The following DPP10 variants were observed in gnomAD, a reference collection of about 807,000 sequenced individuals.
DPP10 encodes dipeptidyl peptidase like 10.
In DPP10, 33 loss-of-function variants were observed where a neutral mutation model predicts 120.9. The ratio of observed to expected loss-of-function variants is 0.27; its 90% CI spans 0.21 to 0.37. The LOEUF (loss-of-function observed/expected upper bound fraction) is 0.37. Among genes scored for constraint, DPP10 ranks in the 10% least tolerant of loss-of-function variants. The pLI, the probability that DPP10 is intolerant of heterozygous loss-of-function variation, is 1.00. For synonymous variants in DPP10, 337 were observed against 326.1 expected, an observed-to-expected ratio of 1.03 and a Z score of -0.36; for missense variants, 816 against 942.8, an observed-to-expected ratio of 0.87 and a Z score of 1.76.
At chr2:115,774,632 A>G (rs1681879757) in intron 13 of DPP10, among the ~76,000 whole-genome samples, 1 of 152,130 alleles carries the variant, frequency 6.6e-6, no homozygotes, top group South Asian at 2.1e-4. Flanking sequence ...GATAGTATAC[A>G]AAGAAGTTGA....
At chr2:115,606,084 T>C (rs1333656136) in intron 5 of DPP10, among the ~76,000 whole-genome samples, 1 of 152,170 alleles carries the variant, frequency 6.6e-6, no homozygotes, top group Non-Finnish European at 1.5e-5. Flanking sequence ...TAATTTCTAA[T>C]GCAAAATCTT....
intron 1 of DPP10, among the ~76,000 whole-genome samples, chr2:114,706,437 G>T (rs1018621716): frequency 6.6e-6 from 1 of 152,148 alleles, no homozygotes; most frequent in African/African-American, 2.4e-5. Flanking sequence ...GACTCTAAAG[G>T]AGAATATATT....
chr2:115,577,714 T>C (rs546373575), intron 5 of DPP10, among the ~76,000 whole-genome samples: 2 of 152,248 alleles, frequency 1.3e-5, no homozygotes, highest in African/African-American at 4.8e-5. Context: ...TTTTGAGGCC[T>C]TTCTCTCGGG....
chr2:115,239,708 C>A (rs914693765), intron 1 of DPP10, among the ~76,000 whole-genome samples: 1 of 152,042 alleles, frequency 6.6e-6, no homozygotes, highest in Non-Finnish European at 1.5e-5. Flanking sequence ...ACCCATCAAC[C>A]CATCATATAC....
chr2:115,507,024 A>G (rs557360530), intron 4 of DPP10, among the ~76,000 whole-genome samples: 33 of 134,790 alleles, frequency 2.4e-4, no homozygotes, highest in Middle Eastern at 3.6e-3. Flanking sequence ...CATTACACAC[A>G]CACGCACGCG....
intron 3 of DPP10, among the ~76,000 whole-genome samples, chr2:115,450,815 ATCTC>A (rs910281749): frequency 2.6e-5 from 4 of 151,884 alleles, no homozygotes; most frequent in African/African-American, 7.2e-5. Flanking sequence ...ATCTACATAT[ATCTC>A]TCTCTTTCTT....
intron 17 of DPP10, among the ~76,000 whole-genome samples, chr2:115,785,900 T>C (rs1683290985): frequency 6.6e-6 from 1 of 151,852 alleles, no homozygotes; most frequent in Admixed American, 6.6e-5. Flanking sequence ...TTCTAGTTTC[T>C]CTGAGTGAAT....
chr2:115,271,309 A>G (rs1278387316), intron 1 of DPP10, among the ~76,000 whole-genome samples: 1 of 152,176 alleles, frequency 6.6e-6, no homozygotes, highest in East Asian at 1.9e-4. Flanking sequence ...AAGGTCTTGG[A>G]ATAAGGAAAT....
rs1019231735 is a variant in DPP10 at position 115,844,418 on chromosome 2, A to T, written c.*2073A>T. On this transcript the variant is annotated 3_prime_UTR_variant, in exon 26 of 26. Transcript: ENST00000410059. ...GTTTATCTATTTTTCAATTAATTTA[A>T]TACAGTTTCTAATGTGAAAGACATT... 1 of 152,542 alleles carries T rather than the reference A, an allele frequency of 6.6e-6. No homozygotes were observed. The highest frequency in any genetic ancestry group is 1.5e-5 in the Non-Finnish European group (1 of 68,002). The allele number at this position is 152,542 out of a possible 1,614,324, so 9.4% of individuals were successfully genotyped here.
intron 3 of DPP10, among the ~76,000 whole-genome samples, chr2:115,490,472 G>C (rs570733260): frequency 2.6e-5 from 4 of 152,118 alleles, no homozygotes; most frequent in Non-Finnish European, 5.9e-5. Context: ...GATTTGGGTG[G>C]GGACACAGCT....
chr2:115,496,195 C>T (rs1169175431), intron 3 of DPP10, among the ~76,000 whole-genome samples: 1 of 151,554 alleles, frequency 6.6e-6, no homozygotes, highest in Admixed American at 6.6e-5. Flanking sequence ...CAAAAAAAAC[C>T]CCAAGAAAAT....
intron 1 of DPP10, among the ~76,000 whole-genome samples, chr2:114,904,649 A>G (rs960382985): frequency 5.3e-5 from 8 of 152,232 alleles, no homozygotes; most frequent in Non-Finnish European, 1.0e-4. Flanking sequence ...AAATGTATGT[A>G]AGATTATACT....
At chr2:114,862,839 T>C (rs1689923099) in intron 1 of DPP10, among the ~76,000 whole-genome samples, 1 of 150,906 alleles carries the variant, frequency 6.6e-6, no homozygotes, top group South Asian at 2.1e-4. Context: ...CTCATTTCAC[T>C]AGCTGTTTTA....
At chr2:115,605,602 G>A (rs2083652988) in intron 5 of DPP10, among the ~76,000 whole-genome samples, 1 of 151,998 alleles carries the variant, frequency 6.6e-6, no homozygotes, top group Non-Finnish European at 1.5e-5. Context: ...AGAAAGAAAA[G>A]GGAGAGAAAG....
chr2:115,452,534 A>G (rs1024971697), intron 3 of DPP10, among the ~76,000 whole-genome samples: 11 of 151,890 alleles, frequency 7.2e-5, no homozygotes, highest in Non-Finnish European at 1.3e-4. Context: ...ATTCTCCTGT[A>G]TTCTGAGAGA....
intron 3 of DPP10, among the ~76,000 whole-genome samples, chr2:115,486,687 A>G (rs1195413036): frequency 6.6e-6 from 1 of 152,190 alleles, no homozygotes; most frequent in African/African-American, 2.4e-5. Flanking sequence ...TGGTTATGCT[A>G]CTATTCTGCA....
chr2:114,855,753 C>T (rs893794614), intron 1 of DPP10, among the ~76,000 whole-genome samples: 2 of 152,082 alleles, frequency 1.3e-5, no homozygotes, highest in African/African-American at 4.8e-5. Context: ...TTTTAAAATC[C>T]CATAAAGCTA....
At chr2:115,400,584 T>TA (rs1198881836) in intron 3 of DPP10, among the ~76,000 whole-genome samples, 3 of 152,126 alleles carry the variant, frequency 2.0e-5, no homozygotes, top group East Asian at 1.9e-4. Context: ...CTTCCTGACT[T>TA]ACGATAGGAT....
chr2:114,682,770 GTCTA>G (rs72471562), intron 1 of DPP10, among the ~76,000 whole-genome samples: 22,752 of 149,454 alleles, frequency 0.15, 1,832 homozygotes, highest in Middle Eastern at 0.17. Context: ...CTATCTGTCT[GTCTA>G]TCTATCTATC....
Sources: gnomAD v4.1 joint callset for allele counts (sites outside exome capture counted in the v4.1 genomes callset) on GRCh38, gnomAD v4.1.1 for gene constraint, MANE v1.5 for transcripts, NCBI Gene and HGNC (gene_info 2026-07-23, HGNC 2026-07-21) for gene names.